The following LRRN2 variants were observed in gnomAD, a reference collection of about 807,000 sequenced individuals.
LRRN2 encodes the protein leucine rich repeat neuronal 2.
LRRN2 carries 10 observed loss-of-function variants against 35.7 expected under a neutral mutation model. The ratio of observed to expected loss-of-function variants is 0.28; its 90% CI spans 0.17 to 0.47. The LOEUF (loss-of-function observed/expected upper bound fraction) is 0.47. Among genes scored for constraint, LRRN2 ranks in the 20% least tolerant of loss-of-function variants. The pLI is 0.99. For missense variants in LRRN2, 731 were observed against 940.3 expected (o/e 0.78, Z 2.91); for synonymous variants, 391 against 409.6 (o/e 0.95, Z 0.55).
At chr1:204,639,856 A>G (rs1316394238) in intron 1 of LRRN2, among the ~76,000 whole-genome samples, 1 of 152,214 alleles carries the variant, frequency 6.6e-6, no homozygotes, top group Non-Finnish European at 1.5e-5. Flanking sequence ...CCTGCCCAAG[A>G]TCATACAGCT....
intron 1 of LRRN2, among the ~76,000 whole-genome samples, chr1:204,650,986 C>T (rs187365983): frequency 6.4e-4 from 98 of 152,246 alleles, no homozygotes; most frequent in Non-Finnish European, 9.4e-4. Flanking sequence ...GATGTAATTA[C>T]GGTTATGAAC....
intron 1 of LRRN2, among the ~76,000 whole-genome samples, chr1:204,648,210 A>G (rs1668151229): frequency 6.6e-6 from 1 of 152,156 alleles, no homozygotes; most frequent in African/African-American, 2.4e-5. Context: ...GACAGTGGGG[A>G]AAATGTGAAG....
intron 1 of LRRN2, among the ~76,000 whole-genome samples, chr1:204,674,935 G>A (rs1189081932): frequency 6.6e-6 from 1 of 152,202 alleles, no homozygotes; most frequent in Non-Finnish European, 1.5e-5. Context: ...ATATGCACAC[G>A]TTTGTTGAAA....
At chr1:204,628,835 C>T (rs1435277617) in intron 1 of LRRN2, 1 of 152,404 alleles carries the variant, frequency 6.6e-6, no homozygotes, top group East Asian at 1.9e-4. Flanking sequence ...TCAGCACCAG[C>T]TCCTCCTGGC....
chr1:204,674,089 GCAC>G (rs1668769596), intron 1 of LRRN2, among the ~76,000 whole-genome samples: 1 of 152,176 alleles, frequency 6.6e-6, no homozygotes, highest in Non-Finnish European at 1.5e-5. Context: ...GAGCAGCTGT[GCAC>G]CATATCTGTC....
intron 1 of LRRN2, among the ~76,000 whole-genome samples, chr1:204,643,742 C>T (rs909165469): frequency 2.0e-5 from 3 of 151,980 alleles, no homozygotes; most frequent in Non-Finnish European, 2.9e-5. Flanking sequence ...ATGAAGGCAG[C>T]AACAATGTCA....
chr1:204,654,533 C>G (rs1668305449), intron 1 of LRRN2, among the ~76,000 whole-genome samples: 1 of 152,160 alleles, frequency 6.6e-6, no homozygotes, highest in Non-Finnish European at 1.5e-5. Context: ...ATAGCAGGTC[C>G]CATCCAGCTG....
rs552816864 is a variant in LRRN2 at position 204,620,257 on chromosome 1, A to G, written c.-226-39T>C. The G allele has an allele frequency of 6.9e-4, 927 of 1,350,890 alleles. 12 individuals are homozygous for G. In the East Asian group the frequency reaches 0.016, roughly 24 times the overall value. 83.7% of individuals were successfully genotyped at this position (1,350,890 alleles called of 1,614,324 possible). A position where few individuals can be genotyped will look rare whatever the true frequency, so the allele number is the denominator to read the frequency against. ...ATGCAGAGTTAAGGAGGTTGCAGAG[A>G]AGCAGTATCTACCCCTCCTCCCGTG... On this transcript the variant is annotated intron_variant, in intron 1 of 1. Transcript: ENST00000367177.
intron 1 of LRRN2, among the ~76,000 whole-genome samples, chr1:204,643,648 G>T (rs1668033804): frequency 6.6e-6 from 1 of 152,048 alleles, no homozygotes; most frequent in Non-Finnish European, 1.5e-5. Context: ...CGGTGATGGA[G>T]TGCCTTCCTC....
In LRRN2 at chr1:204,619,400, C is replaced by T; in HGVS notation, c.593G>A (p.Gly198Asp). 6.2e-7 allele frequency: 1 copy of T among 1,614,222 alleles called. No individual in the cohort carries two copies. Among genetic ancestry groups the T allele is most frequent in the South Asian group, 1.1e-5 (1 of 91,092 alleles). Residue 198 changes from glycine (G) to aspartate (D), a missense_variant, in exon 2 of 2, where the codon GGC (glycine) becomes GAC (aspartate). Coordinates refer to ENST00000367177, the MANE Select transcript of LRRN2 (RefSeq NM_201630.2). ...GTCCAGGATGGCATCTACCTTGTTG[C>T]CGCCAATCATGAGTATCTCCAAGTT... is the stretch of plus-strand genomic sequence containing the variant. ...LPNLEILMIG[G>D]NKVDAILDMN...
chr1:204,658,590 G>A (rs1344337229), intron 1 of LRRN2, among the ~76,000 whole-genome samples: 1 of 152,160 alleles, frequency 6.6e-6, no homozygotes, highest in Non-Finnish European at 1.5e-5. Context: ...CATGGGGTGA[G>A]GAAGGGATCT....
intron 1 of LRRN2, among the ~76,000 whole-genome samples, chr1:204,662,180 G>A (rs1668486356): frequency 6.6e-6 from 1 of 152,208 alleles, no homozygotes; most frequent in Non-Finnish European, 1.5e-5. Flanking sequence ...GGAGGGTGTA[G>A]ACAACGTGGC....
Position 204,619,881 on chromosome 1 carries a change from G to T in LRRN2, c.112C>A (p.Arg38=). Reference sequence around the variant, plus strand: ...GACGAGCGGGGCGTATACCAGGGCCGGATCTGGCAGGCACACTGAGGGGGG... The same window carrying T: ...GACGAGCGGGGCGTATACCAGGGCCTGATCTGGCAGGCACACTGAGGGGGG... The part of the protein sequence containing the change: ...PCPPQCACQI[R]PWYTPRSSYR... The change falls in exon 2 of 2, where the codon CGG becomes AGG. Residue 38 remains arginine, a synonymous_variant. Transcript: ENST00000367177. 6.2e-7 allele frequency: 1 copy of T among 1,613,858 alleles called. No individual in the cohort carries two copies. The highest frequency in any genetic ancestry group is 8.5e-7 in the Non-Finnish European group (1 of 1,179,930).
rs952103582 is a variant in LRRN2 at position 204,620,111 on chromosome 1, G to A, written c.-119C>T. ...CCCAAGGAACCACCCTCCCAGGGCAGTCATTCTACACCGGGCGTCACTTCT... is the reference window on the plus strand; with the variant it reads ...CCCAAGGAACCACCCTCCCAGGGCAATCATTCTACACCGGGCGTCACTTCT... On this transcript the variant is annotated 5_prime_UTR_variant, in exon 2 of 2. Transcript: ENST00000367177. 38 of 1,476,574 alleles carry A rather than the reference G, an allele frequency of 2.6e-5. No individual in the cohort carries two copies. The highest frequency in any genetic ancestry group is 3.3e-5 in the Non-Finnish European group (37 of 1,112,134). 91.5% of individuals were successfully genotyped at this position (1,476,574 alleles called of 1,614,324 possible). A position where few individuals can be genotyped will look rare whatever the true frequency, so the allele number is the denominator to read the frequency against.
At chr1:204,658,071 A>C (rs1398760373) in intron 1 of LRRN2, among the ~76,000 whole-genome samples, 1 of 138,316 alleles carries the variant, frequency 7.2e-6, no homozygotes, top group Non-Finnish European at 1.5e-5. Context: ...TCCACCTCCC[A>C]GTTTCAAGCC....
intron 1 of LRRN2, among the ~76,000 whole-genome samples, chr1:204,657,937 C>T (rs1330843124): frequency 6.7e-6 from 1 of 149,972 alleles, no homozygotes; most frequent in Non-Finnish European, 1.5e-5. Flanking sequence ...TAGACACCTC[C>T]CTTAAAATTC....
chr1:204,673,479 G>A (rs576012373), intron 1 of LRRN2, among the ~76,000 whole-genome samples: 17 of 152,294 alleles, frequency 1.1e-4, no homozygotes, highest in African/African-American at 4.1e-4. Flanking sequence ...CACGTCCAGG[G>A]TCATAGAGCT....
At chr1:204,675,303 A>G (rs1049681719) in intron 1 of LRRN2, among the ~76,000 whole-genome samples, 1 of 152,196 alleles carries the variant, frequency 6.6e-6, no homozygotes, top group Admixed American at 6.5e-5. Context: ...TGAGCAAAGG[A>G]CCACAAACTT....
intron 1 of LRRN2, among the ~76,000 whole-genome samples, chr1:204,658,298 G>A (rs911944951): frequency 2.6e-5 from 4 of 152,086 alleles, no homozygotes; most frequent in South Asian, 2.1e-4. Context: ...ATTTACAGCC[G>A]ATTGGAAAGG....
Sources: gnomAD v4.1 joint callset for allele counts (sites outside exome capture counted in the v4.1 genomes callset) on GRCh38, gnomAD v4.1.1 for gene constraint, MANE v1.5 for transcripts, NCBI Gene and HGNC (gene_info 2026-07-23, HGNC 2026-07-21) for gene names.